The following TBC1D12 variants were observed in gnomAD, a reference collection of about 807,000 sequenced individuals.
TBC1D12 encodes TBC1 domain family member 12, also known as TBC1 domain family, member 12.
In TBC1D12, 56 loss-of-function variants were observed where a neutral mutation model predicts 86.7. The ratio of observed to expected loss-of-function variants is 0.65; its 90% CI spans 0.52 to 0.81. The LOEUF is 0.81. Ranked by LOEUF, TBC1D12 falls within the 30% of genes least tolerant of loss-of-function variation. The probability of loss-of-function intolerance (pLI) is 0.00; values close to 1 mark genes in which losing one functional copy is unlikely to be tolerated. For missense variants in TBC1D12, 1,023 were observed against 1,038.8 expected, an observed-to-expected ratio of 0.98 and a Z score of 0.21; for synonymous variants, 421 against 411.7, an observed-to-expected ratio of 1.02 and a Z score of -0.27.
chr10:94,411,560 T>TA (rs1457303898), intron 1 of TBC1D12, among the ~76,000 whole-genome samples: 1 of 152,156 alleles, frequency 6.6e-6, no homozygotes, highest in Non-Finnish European at 1.5e-5. Flanking sequence ...TCATTTTATT[T>TA]AAAAAAATTT....
intron 11 of TBC1D12, among the ~76,000 whole-genome samples, chr10:94,524,042 T>G (rs1842222962): frequency 6.6e-6 from 1 of 152,214 alleles, no homozygotes; most frequent in Non-Finnish European, 1.5e-5. Flanking sequence ...TGTTTAAAGT[T>G]CAAAGTTTTT....
At chr10:94,525,029 C>G (rs548961669) in intron 11 of TBC1D12, among the ~76,000 whole-genome samples, 100 of 152,008 alleles carry the variant, frequency 6.6e-4, no homozygotes, top group African/African-American at 2.1e-3. Flanking sequence ...AGTACCATAC[C>G]TAATATTTCA....
At chr10:94,525,394 C>A (rs980166880) in intron 11 of TBC1D12, among the ~76,000 whole-genome samples, 7 of 152,002 alleles carry the variant, frequency 4.6e-5, no homozygotes, top group Non-Finnish European at 7.4e-5. Flanking sequence ...GGCAAATCAC[C>A]TGAGCTCAGG....
At chr10:94,432,734 G>T (rs1372330320) in intron 1 of TBC1D12, among the ~76,000 whole-genome samples, 3 of 150,088 alleles carry the variant, frequency 2.0e-5, no homozygotes, top group Non-Finnish European at 4.4e-5. Flanking sequence ...TTATTGTATT[G>T]TCAGGACTAT....
In TBC1D12 at chr10:94,514,907, C is replaced by CTT. The variant is rs1168629833; in HGVS notation, c.1761+3270_1761+3271dup. ...TAAACAGTGTGCAAGTTTTTTTTTT[C>CTT]TTTTTTTTTTTTTTTTTTGAGACGG... On this transcript the variant is annotated intron_variant, in intron 9 of 12. Coordinates refer to ENST00000225235, the MANE Select transcript of TBC1D12 (RefSeq NM_015188.2). Among the ~76,000 whole-genome samples, 197 of 127,336 alleles carry CTT rather than the reference C, an allele frequency of 1.5e-3. 2 individuals carry two copies. The highest frequency in any genetic ancestry group is 2.7e-3 in the African/African-American group (91 of 33,152). The allele number at this position is 127,336 out of a possible 152,430, so 83.5% of individuals were successfully genotyped here.
chr10:94,456,721 C>T (rs141514112), intron 2 of TBC1D12, among the ~76,000 whole-genome samples: 1,813 of 152,302 alleles, frequency 0.012, 18 homozygotes, highest in Non-Finnish European at 0.019. Context: ...TATGTCCTTA[C>T]TGATTTTCTG....
chr10:94,491,261 C>T (rs533423815), intron 3 of TBC1D12, among the ~76,000 whole-genome samples: 42 of 152,142 alleles, frequency 2.8e-4, no homozygotes, highest in African/African-American at 9.6e-4. Flanking sequence ...TTTATTCCTC[C>T]CTCCTACAAC....
chr10:94,512,975 G>T (rs1019022787), intron 9 of TBC1D12, among the ~76,000 whole-genome samples: 12 of 151,778 alleles, frequency 7.9e-5, no homozygotes, highest in Admixed American at 4.6e-4. Flanking sequence ...CATGCCGGGC[G>T]TGGTGGCTCA....
At chr10:94,463,869 T>G (rs1163739951) in intron 2 of TBC1D12, among the ~76,000 whole-genome samples, 1 of 152,204 alleles carries the variant, frequency 6.6e-6, no homozygotes, top group Non-Finnish European at 1.5e-5. Flanking sequence ...TACCACTAAC[T>G]GAGAGAAGAG....
chr10:94,476,153 C>G (rs58951696), intron 3 of TBC1D12, among the ~76,000 whole-genome samples: 147 of 151,906 alleles, frequency 9.7e-4, no homozygotes, highest in Middle Eastern at 3.4e-3. Context: ...GTAAAACTTC[C>G]TAGCCTTTCT....
At chr10:94,471,934 T>G (rs2055913354) in intron 2 of TBC1D12, among the ~76,000 whole-genome samples, 1 of 152,244 alleles carries the variant, frequency 6.6e-6, no homozygotes, top group Admixed American at 6.5e-5. Context: ...CTTTGATTTT[T>G]CTTTTGGCAA....
chr10:94,529,999 C>T (rs2031322), intron 11 of TBC1D12, among the ~76,000 whole-genome samples: 31,158 of 152,116 alleles, frequency 0.2, 3,336 homozygotes, highest in South Asian at 0.34. Flanking sequence ...TGTTTCATGT[C>T]TCTGTTGAGT....
chr10:94,511,053 A>C (rs2056519985), intron 8 of TBC1D12, among the ~76,000 whole-genome samples: 1 of 130,370 alleles, frequency 7.7e-6, no homozygotes, highest in Admixed American at 7.5e-5. Flanking sequence ...AAGTAAGTTT[A>C]TTTGGCTTTT....
chr10:94,510,076 G>C lies in TBC1D12; in HGVS notation c.1601-15G>C. 1 of 1,594,610 alleles carries C rather than the reference G, an allele frequency of 6.3e-7. No homozygotes were observed. The highest frequency in any genetic ancestry group is 1.1e-5 in the South Asian group (1 of 88,346). ...CCAAGTGATCATTTAAATTGTATCT[G>C]CTTGGTAAATGCAGGTGTATCTGTT... On this transcript the variant is annotated splice_polypyrimidine_tract_variant and intron_variant, in intron 7 of 12. Transcript: ENST00000225235.
At chr10:94,447,057 C>CAAA (rs35395527) in intron 2 of TBC1D12, among the ~76,000 whole-genome samples, 36 of 100,400 alleles carry the variant, frequency 3.6e-4, no homozygotes, top group Admixed American at 8.1e-4. Flanking sequence ...TGAGCTGTTT[C>CAAA]AAAAAAAAAA....
intron 2 of TBC1D12, among the ~76,000 whole-genome samples, chr10:94,452,281 C>T (rs1228908852): frequency 6.6e-6 from 1 of 152,028 alleles, no homozygotes; most frequent in African/African-American, 2.4e-5. Flanking sequence ...AATGAACTTA[C>T]ATTGACACAC....
At chr10:94,413,693 G>A (rs1414422859) in intron 1 of TBC1D12, among the ~76,000 whole-genome samples, 1 of 151,278 alleles carries the variant, frequency 6.6e-6, no homozygotes, top group Non-Finnish European at 1.5e-5. Context: ...GTTTGAGAGT[G>A]AACTTGATAA....
At chr10:94,521,360 T>C (rs1022164842) in intron 9 of TBC1D12, among the ~76,000 whole-genome samples, 4 of 152,142 alleles carry the variant, frequency 2.6e-5, no homozygotes, top group Admixed American at 2.0e-4. Flanking sequence ...TCCTACCTTC[T>C]CTAAATGCCT....
chr10:94,416,749 G>T (rs1282617459), intron 1 of TBC1D12, among the ~76,000 whole-genome samples: 2 of 152,142 alleles, frequency 1.3e-5, no homozygotes, highest in Non-Finnish European at 2.9e-5. Context: ...AGGAAGGGGT[G>T]ATTAACTTTG....
Sources: gnomAD v4.1 joint callset for allele counts (sites outside exome capture counted in the v4.1 genomes callset) on GRCh38, gnomAD v4.1.1 for gene constraint, MANE v1.5 for transcripts, NCBI Gene and HGNC (gene_info 2026-07-23, HGNC 2026-07-21) for gene names.